CLCA4: variants seen among roughly 807,000 people sequenced by gnomAD.
The protein encoded by CLCA4 is chloride channel accessory 4, also known as calcium-activated chloride channel regulator 4.
A neutral mutation model predicts 78.9 loss-of-function variants in CLCA4; 69 were observed. The observed-to-expected ratio is 0.87, with a 90% confidence interval of 0.72 to 1.07. The LOEUF is 1.07. CLCA4 is among the 50% of genes least tolerant of loss of function. CLCA4 has a pLI of 0.00. For synonymous variants in CLCA4, 362 were observed against 375.8 expected (o/e 0.96, Z 0.42); for missense variants, 1,133 against 1,095.8 (o/e 1.03, Z -0.48).
chr1:86,553,252 T>G (rs1473558215), intron 1 of CLCA4: 2 of 931,138 alleles, frequency 2.1e-6, no homozygotes, highest in African/African-American at 3.3e-5. Flanking sequence ...CGCTGCAAGC[T>G]GTACGAGGAC....
chr1:86,573,222 GTCACC>G (rs1650407739), intron 9 of CLCA4, among the ~76,000 whole-genome samples: 1 of 151,834 alleles, frequency 6.6e-6, no homozygotes. Flanking sequence ...TAGGGCTTCT[GTCACC>G]TCTTCAACCA....
Position 86,560,256 on chromosome 1 carries a change from C to A in CLCA4, c.346C>A (p.Pro116Thr), listed in dbSNP as rs753345585. 1.1e-5 allele frequency: 18 copies of A among 1,613,898 alleles called. No individual in the cohort carries two copies. The highest frequency in any genetic ancestry group is 1.5e-5 in the Non-Finnish European group (18 of 1,179,886). Residue 116 changes from proline (P) to threonine (T), a missense_variant, in exon 3 of 14, where the codon CCA becomes ACA. Transcript: ENST00000370563. ...APPTLPGRDE[P>T]YTKQFTECGE... is the part of the protein sequence containing the mutation. Reference sequence around the variant, plus strand: ...ACCTACACTCCCAGGTAGAGATGAACCATACACCAAGCAGTTCACAGAATG... The same window carrying A: ...ACCTACACTCCCAGGTAGAGATGAAACATACACCAAGCAGTTCACAGAATG...
chr1:86,565,251 G>C (rs1463320105), intron 4 of CLCA4, 23 bp from the exon 5 acceptor site: 1 of 1,543,700 alleles, frequency 6.5e-7, no homozygotes, highest in Admixed American at 2.0e-5. Flanking sequence ...TTGCCTCAAA[G>C]ATTAACTGTC....
At chr1:86,549,771 A>C (rs1370420794) in intron 1 of CLCA4, among the ~76,000 whole-genome samples, 1 of 152,186 alleles carries the variant, frequency 6.6e-6, no homozygotes, top group African/African-American at 2.4e-5. Flanking sequence ...AAGTGGAGAA[A>C]ATTTGGCATT....
At chr1:86,551,300 C>A (rs1649655030) in intron 1 of CLCA4, among the ~76,000 whole-genome samples, 1 of 152,042 alleles carries the variant, frequency 6.6e-6, no homozygotes, top group Non-Finnish European at 1.5e-5. Flanking sequence ...TGTCTATTTT[C>A]TTTACCTTTG....
intron 1 of CLCA4, among the ~76,000 whole-genome samples, chr1:86,557,073 G>A (rs944194219): frequency 6.6e-6 from 1 of 151,864 alleles, no homozygotes; most frequent in African/African-American, 2.4e-5. Context: ...TGTTTATTTG[G>A]ACCTTCTCTC....
Position 86,552,559 on chromosome 1 carries a change from G to C in CLCA4, c.159+5281G>C, listed in dbSNP as rs1649697537. On this transcript the variant is annotated intron_variant, in intron 1 of 13. Transcript: ENST00000370563. The stretch of plus-strand genomic sequence containing the variant: ...AGCGGGCGGCAGGCGCACCCTCTAC[G>C]GGAGCCAGTGCTCACGTGTCCACGC... 9.1e-6 allele frequency: 5 copies of C among 550,802 alleles called. No homozygotes were observed. In the South Asian group the frequency reaches 1.1e-4, roughly 12 times the overall value. The allele number at this position is 550,802 out of a possible 1,614,324, so 34.1% of individuals were successfully genotyped here.
intron 11 of CLCA4, among the ~76,000 whole-genome samples, chr1:86,577,265 A>G (rs1270655566): frequency 2.0e-5 from 3 of 152,064 alleles, no homozygotes; most frequent in African/African-American, 7.2e-5. Context: ...CTGAGATGGT[A>G]TTAGTGATTA....
chr1:86,552,650 T>C (rs1649700607), intron 1 of CLCA4: 2 of 789,570 alleles, frequency 2.5e-6, no homozygotes, highest in Non-Finnish European at 4.3e-6. Context: ...CACCATGTGG[T>C]CCAGCTCGCC....
In CLCA4 at chr1:86,567,425, G is replaced by T; in HGVS notation, c.956G>T (p.Gly319Val). 1 of 1,607,158 alleles carries T rather than the reference G, an allele frequency of 6.2e-7. No individual in the cohort carries two copies. Among genetic ancestry groups the T allele is most frequent in the Non-Finnish European group, 8.5e-7 (1 of 1,176,058 alleles). ...GTTTTTCTTGTCTTTTTAATCTAGGGTAAGGACCGCCTAAATCGAATGAAT... is the reference window on the plus strand; with the variant it reads ...GTTTTTCTTGTCTTTTTAATCTAGGTTAAGGACCGCCTAAATCGAATGAAT... ...LVLDKSGSMG[G>V]KDRLNRMNQA... Residue 319 changes from glycine (G) to valine (V), a missense_variant and splice_region_variant, in exon 7 of 14, where the codon GGT becomes GTT. By Grantham distance (109) the Gly-to-Val change is moderately radical. Coordinates refer to ENST00000370563, the MANE Select transcript of CLCA4 (RefSeq NM_012128.4).
intron 12 of CLCA4, 44 bp from the exon 13 acceptor site, chr1:86,579,310 A>G: frequency 7.5e-7 from 1 of 1,339,652 alleles, no homozygotes. Flanking sequence ...TATAATAAAT[A>G]CCAGTAGTTT....
At chr1:86,561,729 G>T (rs961544697) in intron 3 of CLCA4, among the ~76,000 whole-genome samples, 1 of 151,992 alleles carries the variant, frequency 6.6e-6, no homozygotes, top group Non-Finnish European at 1.5e-5. Flanking sequence ...GAACAGAAAG[G>T]CTTCTCCAAT....
Position 86,580,043 on chromosome 1 carries a change from G to C in CLCA4, c.2458G>C (p.Ala820Pro), listed in dbSNP as rs983891939. ...VNTTDLSPKE[A>P]NSKESFAFKP... Reference sequence around the variant, plus strand: ...TACTACTGATCTGTCACCAAAGGAGGCCAACTCCAAGGAAAGCTTTGCATT... The same window carrying C: ...TACTACTGATCTGTCACCAAAGGAGCCCAACTCCAAGGAAAGCTTTGCATT... The change falls in exon 14 of 14, where the codon GCC becomes CCC. Residue 820 changes from alanine (A) to proline (P), a missense_variant. Transcript: ENST00000370563. 6 of 1,612,814 alleles carry C rather than the reference G, an allele frequency of 3.7e-6. No individual in the cohort carries two copies. Among genetic ancestry groups the C allele is most frequent in the Admixed American group, 1.7e-5 (1 of 59,862 alleles).
rs572277852 is a variant in CLCA4 at position 86,575,875 on chromosome 1, G to A, written c.1951+276G>A. 2.0e-5 allele frequency among the ~76,000 whole-genome samples: 3 copies of A among 152,154 alleles called. No individual in the cohort carries two copies. The South Asian group carries it at 6.2e-4, about 32-fold the overall frequency. On this transcript the variant is annotated intron_variant, in intron 11 of 13. Transcript: ENST00000370563. ...GGAGGCCAAGGTGGGCAGATCACTTGAGGTCAGGAGTTCAAGACCAGCCTG... is the reference window on the plus strand; with the variant it reads ...GGAGGCCAAGGTGGGCAGATCACTTAAGGTCAGGAGTTCAAGACCAGCCTG...
At chr1:86,571,414 G>A in intron 8 of CLCA4, 160 bp downstream of exon 8, 1 of 565,908 alleles carries the variant, frequency 1.8e-6, no homozygotes, top group South Asian at 2.9e-5. Context: ...GTTGGCTGGA[G>A]AGACAAATAA....
chr1:86,554,889 G>A (rs1271147719), intron 1 of CLCA4, among the ~76,000 whole-genome samples: 2 of 149,382 alleles, frequency 1.3e-5, no homozygotes, highest in Admixed American at 6.6e-5. Flanking sequence ...TTTAATAATA[G>A]CCATTCTAAC....
At chr1:86,561,433 G>T (rs1650012457) in intron 3 of CLCA4, among the ~76,000 whole-genome samples, 3 of 152,118 alleles carry the variant, frequency 2.0e-5, no homozygotes, top group Non-Finnish European at 4.4e-5. Context: ...GAAGAATGGT[G>T]AAGAAAATTA....
At chr1:86,570,377 C>T (rs1412010485) in intron 7 of CLCA4, among the ~76,000 whole-genome samples, 1 of 152,036 alleles carries the variant, frequency 6.6e-6, no homozygotes, top group African/African-American at 2.4e-5. Context: ...TACTCTTTTA[C>T]AGGCACCTAG....
At chr1:86,561,893 C>T (rs1038590381) in intron 3 of CLCA4, among the ~76,000 whole-genome samples, 9 of 152,136 alleles carry the variant, frequency 5.9e-5, no homozygotes, top group African/African-American at 2.2e-4. Context: ...GTGTAAAAAA[C>T]TCACATTCCT....
Sources: allele counts gnomAD v4.1 joint callset (sites outside exome capture counted in the v4.1 genomes callset), GRCh38; gene constraint gnomAD v4.1.1; transcripts MANE v1.5; gene names NCBI Gene and HGNC (gene_info 2026-07-23, HGNC 2026-07-21).